KPNA3: variants seen among roughly 807,000 people sequenced by gnomAD.
KPNA3 encodes karyopherin subunit alpha 3.
In KPNA3, 13 loss-of-function variants were observed where a neutral mutation model predicts 73.8. The observed-to-expected ratio is 0.18, with a 90% confidence interval of 0.11 to 0.28. The LOEUF is 0.28. Ranked by LOEUF, KPNA3 falls within the 10% of genes least tolerant of loss-of-function variation. The pLI, the probability that KPNA3 is intolerant of heterozygous loss-of-function variation, is 1.00. For missense variants in KPNA3, 360 were observed against 618.1 expected, an observed-to-expected ratio of 0.58 and a Z score of 4.43; for synonymous variants, 186 against 206.9, an observed-to-expected ratio of 0.90 and a Z score of 0.87.
chr13:49,701,594 T>C lies in KPNA3; in HGVS notation c.*206A>G. The C allele has an allele frequency of 1.5e-6, 1 of 686,738 alleles. No individual in the cohort carries two copies. The highest frequency in any genetic ancestry group is 2.8e-6 in the Non-Finnish European group (1 of 363,434). 42.5% of individuals were successfully genotyped at this position (686,738 alleles called of 1,614,324 possible). A position where few individuals can be genotyped will look rare whatever the true frequency, so the allele number is the denominator to read the frequency against. ...TGTTAAGGAGAGTTCTAAAACAGTTTAGGAAATCATGCATATGCATTTACA... is the reference window on the plus strand; with the variant it reads ...TGTTAAGGAGAGTTCTAAAACAGTTCAGGAAATCATGCATATGCATTTACA... On this transcript the variant is annotated 3_prime_UTR_variant, in exon 17 of 17. Coordinates refer to ENST00000261667, the MANE Select transcript of KPNA3 (RefSeq NM_002267.4).
intron 1 of KPNA3, among the ~76,000 whole-genome samples, chr13:49,791,315 G>C (rs1028842815): frequency 6.6e-6 from 1 of 152,148 alleles, no homozygotes; most frequent in African/African-American, 2.4e-5. Flanking sequence ...AGCAAAGAAG[G>C]CTGCGGCCTT....
intron 5 of KPNA3, 33 bp downstream of exon 5, chr13:49,732,572 C>T: frequency 6.5e-7 from 1 of 1,549,838 alleles, no homozygotes; most frequent in Non-Finnish European, 8.9e-7. Flanking sequence ...TGAGGAATGA[C>T]ATAATTCTCT....
chr13:49,756,878 G>C (rs558776640), intron 1 of KPNA3, among the ~76,000 whole-genome samples: 1 of 152,108 alleles, frequency 6.6e-6, no homozygotes, highest in Non-Finnish European at 1.5e-5. Flanking sequence ...GAAAAGAACA[G>C]AGAACCCAAT....
chr13:49,715,187 T>A (rs1954294063), intron 10 of KPNA3, among the ~76,000 whole-genome samples: 2 of 152,000 alleles, frequency 1.3e-5, no homozygotes, highest in Non-Finnish European at 2.9e-5. Flanking sequence ...ATTGATGAAT[T>A]TGATTATATA....
intron 1 of KPNA3, 55 bp from the exon 2 acceptor site, chr13:49,747,048 T>C (rs1021836633): frequency 1.4e-5 from 19 of 1,322,930 alleles, no homozygotes; most frequent in African/African-American, 8.7e-5. Flanking sequence ...ACTGCTAGTA[T>C]ATAAAGATCT....
intron 10 of KPNA3, among the ~76,000 whole-genome samples, chr13:49,717,440 G>A (rs74077717): frequency 0.01 from 1,282 of 126,518 alleles, 1 homozygote; most frequent in Middle Eastern, 0.021. Context: ...GGAAAAAAAA[G>A]AAAAAAAAAA....
Position 49,792,529 on chromosome 13 carries a change from G to T in KPNA3, c.-23C>A, listed in dbSNP as rs200365157. The T allele has an allele frequency of 1.7e-5, 26 of 1,555,448 alleles. No individual in the cohort carries two copies. The highest frequency in any genetic ancestry group is 2.1e-5 in the Non-Finnish European group (24 of 1,152,592). ...CATGGCTGCGCGCGGCTCCGGCGGCGGCTACTCCTGCGGCTGCGGCGGCGG... is the reference window on the plus strand; with the variant it reads ...CATGGCTGCGCGCGGCTCCGGCGGCTGCTACTCCTGCGGCTGCGGCGGCGG... On this transcript the variant is annotated 5_prime_UTR_variant, in exon 1 of 17. Transcript: ENST00000261667.
rs769999851 is a variant in KPNA3 at position 49,702,436 on chromosome 13, T to C, written c.1417A>G (p.Ile473Val). The C allele has an allele frequency of 5.8e-6, 9 of 1,557,444 alleles. No individual in the cohort carries two copies. Among genetic ancestry groups the C allele is most frequent in the Non-Finnish European group, 7.0e-6 (8 of 1,135,264 alleles). ...ATGATTTCAAATGCTAATTTATATA[T>C]GTCTTCATTTTCATGTTGCTGTAAA... ...EVLQQHENED[I>V]YKLAFEIIDQ... The change falls in exon 16 of 17, where the codon ATA (isoleucine) becomes GTA (valine). Residue 473 changes from isoleucine (I) to valine (V), a missense_variant. Physicochemically the swap from Ile to Val is conservative, Grantham distance 29. Coordinates refer to ENST00000261667, the MANE Select transcript of KPNA3 (RefSeq NM_002267.4).
intron 2 of KPNA3, among the ~76,000 whole-genome samples, chr13:49,733,928 G>A (rs1352067295): frequency 2.0e-5 from 3 of 152,176 alleles, no homozygotes; most frequent in Non-Finnish European, 4.4e-5. Context: ...GAAGCCTGCA[G>A]AAAACAGTTG....
At chr13:49,781,574 C>T (rs990964511) in intron 1 of KPNA3, among the ~76,000 whole-genome samples, 3 of 152,152 alleles carry the variant, frequency 2.0e-5, no homozygotes, top group Non-Finnish European at 4.4e-5. Context: ...GTAAAGAATT[C>T]GAATAGCTGC....
At chr13:49,740,109 G>A (rs1954559945) in intron 2 of KPNA3, among the ~76,000 whole-genome samples, 1 of 151,944 alleles carries the variant, frequency 6.6e-6, no homozygotes, top group South Asian at 2.1e-4. Flanking sequence ...AAAATTAGCT[G>A]AGCAAACTGG....
chr13:49,707,698 T>TA (rs144789423), intron 12 of KPNA3, among the ~76,000 whole-genome samples: 2,194 of 146,614 alleles, frequency 0.015, 27 homozygotes, highest in South Asian at 0.029. Flanking sequence ...TTCATTTAGC[T>TA]AAAAAAAAAA....
chr13:49,713,634 A>AAC (rs66994650), intron 10 of KPNA3, among the ~76,000 whole-genome samples: 34,877 of 140,604 alleles, frequency 0.25, 4,382 homozygotes, highest in East Asian at 0.46. Flanking sequence ...TCTTAGGTGA[A>AAC]ACACACACAC....
chr13:49,771,224 A>C (rs897294668), intron 1 of KPNA3, among the ~76,000 whole-genome samples: 1 of 152,168 alleles, frequency 6.6e-6, no homozygotes, highest in African/African-American at 2.4e-5. Context: ...AATTGCATTG[A>C]ATCTCTTAGT....
chr13:49,756,699 A>G (rs887479999), intron 1 of KPNA3, among the ~76,000 whole-genome samples: 2 of 152,260 alleles, frequency 1.3e-5, no homozygotes, highest in African/African-American at 4.8e-5. Flanking sequence ...TATTTTGCAG[A>G]TACAGAATTA....
intron 1 of KPNA3, among the ~76,000 whole-genome samples, chr13:49,769,597 G>A (rs1954836926): frequency 6.6e-6 from 1 of 152,178 alleles, no homozygotes; most frequent in South Asian, 2.1e-4. Flanking sequence ...CCATGCTGTA[G>A]CATGTATAAA....
At chr13:49,703,183 C>CTTTTTTT (rs35282756) in intron 15 of KPNA3, among the ~76,000 whole-genome samples, 15 of 109,192 alleles carry the variant, frequency 1.4e-4, no homozygotes, top group South Asian at 3.2e-4. Context: ...TTCTTTCTTT[C>CTTTTTTT]TTTTTTTTTT....
intron 12 of KPNA3, among the ~76,000 whole-genome samples, chr13:49,706,905 C>A (rs564441679): frequency 6.6e-6 from 1 of 152,162 alleles, no homozygotes; most frequent in Non-Finnish European, 1.5e-5. Flanking sequence ...CCTGTCACCA[C>A]GCCCAGCTAA....
At chr13:49,760,424 A>C (rs1470289525) in intron 1 of KPNA3, among the ~76,000 whole-genome samples, 1 of 151,884 alleles carries the variant, frequency 6.6e-6, no homozygotes, top group Non-Finnish European at 1.5e-5. Flanking sequence ...CAAAAAAAAA[A>C]AAAAAAAAGC....
Sources: allele counts gnomAD v4.1 joint callset (sites outside exome capture counted in the v4.1 genomes callset), GRCh38; gene constraint gnomAD v4.1.1; transcripts MANE v1.5; gene names NCBI Gene and HGNC (gene_info 2026-07-23, HGNC 2026-07-21).